The following LARP1B variants were observed in gnomAD, a reference collection of about 807,000 sequenced individuals.
LARP1B encodes La ribonucleoprotein 1B, also known as la-related protein 1B.
LARP1B carries 76 observed loss-of-function variants against 114.2 expected under a neutral mutation model. The ratio of observed to expected loss-of-function variants is 0.67; its 90% CI spans 0.55 to 0.81. LARP1B has a LOEUF of 0.81. Ranked by LOEUF, LARP1B falls within the 30% of genes least tolerant of loss-of-function variation. LARP1B has a pLI of 0.00. For synonymous variants in LARP1B, 345 were observed against 348.0 expected, an observed-to-expected ratio of 0.99 and a Z score of 0.10; for missense variants, 1,014 against 1,075.8, an observed-to-expected ratio of 0.94 and a Z score of 0.80.
At chr4:128,125,809 A>G (rs16997982) in intron 11 of LARP1B, among the ~76,000 whole-genome samples, 99,132 of 151,994 alleles carry the variant, frequency 0.65, 32,619 homozygotes, top group Middle Eastern at 0.82. Flanking sequence ...AGCAGAATAG[A>G]GAGGAAAAAA....
At chr4:128,068,219 T>C (rs546585861) in intron 1 of LARP1B, among the ~76,000 whole-genome samples, 41 of 152,166 alleles carry the variant, frequency 2.7e-4, no homozygotes, top group Admixed American at 1.0e-3. Flanking sequence ...GGTGTCACCA[T>C]GTTGGCCAGG....
rs569281185 is a variant in LARP1B, at chr4:128,073,065, G to A, written c.-77-1395G>A. 3.3e-5 allele frequency among the ~76,000 whole-genome samples: 5 copies of A among 152,124 alleles called. 1 individual carries two copies. In the South Asian group the frequency reaches 8.3e-4, roughly 25 times the overall value. ...GATTCCTAGATAATTTCCTGAAAAT[G>A]GAATTCTTTTATTAAAAGTTATATA... On this transcript the variant is annotated intron_variant, in intron 1 of 19. Coordinates refer to ENST00000326639, the MANE Select transcript of LARP1B (RefSeq NM_018078.4).
chr4:128,109,978 A>C (rs966930874), intron 9 of LARP1B, among the ~76,000 whole-genome samples: 19 of 152,138 alleles, frequency 1.2e-4, no homozygotes, highest in African/African-American at 4.3e-4. Flanking sequence ...GTCTCGGCTC[A>C]CTGCAACTTC....
At chr4:128,097,098 A>G (rs796156209) in intron 7 of LARP1B, among the ~76,000 whole-genome samples, 37 of 151,312 alleles carry the variant, frequency 2.4e-4, no homozygotes, top group Admixed American at 1.1e-3. Context: ...GGGTTTCCCC[A>G]TATTGGTTAC....
At chr4:128,142,077 A>G (rs1728311690) in intron 11 of LARP1B, among the ~76,000 whole-genome samples, 1 of 152,182 alleles carries the variant, frequency 6.6e-6, no homozygotes, top group Non-Finnish European at 1.5e-5. Context: ...AGTCATGTAA[A>G]CTTCCTGTCT....
At position 128,176,419 on chromosome 4, in the gene LARP1B, G is replaced by A. The variant is rs543960998; in HGVS notation, c.1649-453G>A. Among the ~76,000 whole-genome samples the A allele has an allele frequency of 5.3e-5, 8 of 150,866 alleles. No individual in the cohort carries two copies. The East Asian group carries it at 1.2e-3, about 22-fold the overall frequency. On this transcript the variant is annotated intron_variant, in intron 12 of 19. Coordinates refer to ENST00000326639, the MANE Select transcript of LARP1B (RefSeq NM_018078.4). ...AGCAATTCTCCTGCCTCAGCCTCCC[G>A]AGTAGCTGGGATTACAGGCGCCTGC...
intron 3 of LARP1B, among the ~76,000 whole-genome samples, chr4:128,076,227 A>T (rs764864642): frequency 1.3e-5 from 2 of 151,690 alleles, no homozygotes; most frequent in African/African-American, 2.4e-5. Context: ...TTGGTCTCGA[A>T]CTCCTGACCT....
chr4:128,169,601 C>T (rs1384282734), intron 12 of LARP1B, among the ~76,000 whole-genome samples: 2 of 151,862 alleles, frequency 1.3e-5, no homozygotes, highest in Admixed American at 6.6e-5. Flanking sequence ...TATTCTCTCT[C>T]TATCTCTATT....
intron 11 of LARP1B, among the ~76,000 whole-genome samples, chr4:128,126,164 C>T (rs183257554): frequency 2.3e-4 from 35 of 150,038 alleles, no homozygotes; most frequent in African/African-American, 7.9e-4. Context: ...CTCCGTCACC[C>T]AGGCTGGAGT....
chr4:128,097,960 AT>A (rs1778677087), intron 7 of LARP1B, among the ~76,000 whole-genome samples: 1 of 152,174 alleles, frequency 6.6e-6, no homozygotes, highest in South Asian at 2.1e-4. Context: ...GAAGTTATTA[AT>A]TTTTTGGAAA....
At chr4:128,195,447 TA>T (rs1246210143) in intron 15 of LARP1B, among the ~76,000 whole-genome samples, 31 of 152,326 alleles carry the variant, frequency 2.0e-4, no homozygotes, top group African/African-American at 7.5e-4. Context: ...AGTATGCCAG[TA>T]AGGTATATTT....
intron 1 of LARP1B, among the ~76,000 whole-genome samples, chr4:128,070,170 A>T (rs924828623): frequency 5.9e-5 from 9 of 151,884 alleles, no homozygotes; most frequent in Non-Finnish European, 8.8e-5. Context: ...TACAAAAAAA[A>T]TTAGCTGGGC....
At position 128,077,876 on chromosome 4, in the gene LARP1B, G is replaced by A. The variant is rs1257892708; in HGVS notation, c.131G>A (p.Ser44Asn). The A allele has an allele frequency of 6.2e-7, 1 of 1,613,122 alleles. No individual in the cohort carries two copies. Among genetic ancestry groups the A allele is most frequent in the African/African-American group, 1.3e-5 (1 of 74,900 alleles). The change falls in exon 4 of 20, where the codon AGC becomes AAC. Residue 44 changes from serine (S) to asparagine (N), a missense_variant. Physicochemically the swap from Ser to Asn is conservative, Grantham distance 46. Coordinates refer to ENST00000326639, the MANE Select transcript of LARP1B (RefSeq NM_018078.4). ...EKVEKRSNSD[S>N]KENRETKLNG... is the part of the protein sequence containing the mutation. The stretch of plus-strand genomic sequence containing the variant: ...GTTGAAAAGAGAAGTAACAGTGACA[G>A]CAAAGAAAACCGGGAAACAAAATTA...
intron 15 of LARP1B, among the ~76,000 whole-genome samples, chr4:128,197,468 G>A (rs1451615659): frequency 6.6e-6 from 1 of 152,122 alleles, no homozygotes; most frequent in African/African-American, 2.4e-5. Context: ...GGCCGAGGCG[G>A]GCAGATCACG....
At chr4:128,069,513 G>T in intron 1 of LARP1B, 4 of 748,954 alleles carry the variant, frequency 5.3e-6, no homozygotes, top group Non-Finnish European at 9.8e-6. Context: ...GGGGTGGGGA[G>T]CCCTGTGGAG....
At chr4:128,105,173 C>T (rs977940272) in intron 8 of LARP1B, among the ~76,000 whole-genome samples, 25 of 152,112 alleles carry the variant, frequency 1.6e-4, no homozygotes, top group South Asian at 8.3e-4. Context: ...AAGCATTACC[C>T]CAGGCAAGAT....
intron 12 of LARP1B, among the ~76,000 whole-genome samples, chr4:128,172,490 C>T (rs754581697): frequency 1.4e-4 from 22 of 151,972 alleles, no homozygotes; most frequent in African/African-American, 4.1e-4. Context: ...GTCAGGAGTT[C>T]GAGACCAGCC....
chr4:128,138,238 T>C (rs1726331796), intron 11 of LARP1B, among the ~76,000 whole-genome samples: 2 of 151,826 alleles, frequency 1.3e-5, no homozygotes, highest in East Asian at 3.9e-4. Context: ...AAAAAGAAAA[T>C]AGATATTTTA....
chr4:128,126,497 A>G (rs1435502072), intron 11 of LARP1B, among the ~76,000 whole-genome samples: 2 of 152,236 alleles, frequency 1.3e-5, no homozygotes, highest in Non-Finnish European at 2.9e-5. Context: ...TAAGGAAATA[A>G]AAATATGTGT....
Sources: allele counts gnomAD v4.1 joint callset (sites outside exome capture counted in the v4.1 genomes callset), GRCh38; gene constraint gnomAD v4.1.1; transcripts MANE v1.5; gene names NCBI Gene and HGNC (gene_info 2026-07-23, HGNC 2026-07-21).